NEGR1: variants seen among roughly 807,000 people sequenced by gnomAD.
The protein encoded by NEGR1 is IgLON family member 4.
NEGR1 carries 10 observed loss-of-function variants against 40.9 expected under a neutral mutation model. That is an observed-to-expected ratio of 0.24 (90% CI 0.15 to 0.42). The LOEUF (loss-of-function observed/expected upper bound fraction) is 0.42, where lower values mean the gene tolerates loss of function less well. Among genes scored for constraint, NEGR1 ranks in the 10% least tolerant of loss-of-function variants. NEGR1 has a pLI of 1.00. For missense variants in NEGR1, 352 were observed against 438.9 expected (o/e 0.80, Z 1.77); for synonymous variants, 185 against 166.8 (o/e 1.11, Z -0.84).
At chr1:71,697,506 T>C (rs1043012497) in intron 4 of NEGR1, among the ~76,000 whole-genome samples, 8 of 151,916 alleles carry the variant, frequency 5.3e-5, no homozygotes, top group African/African-American at 1.4e-4. Context: ...TTAACAACAA[T>C]GCTTATGGAA....
intron 1 of NEGR1, among the ~76,000 whole-genome samples, chr1:72,144,180 T>C (rs1194607940): frequency 1.3e-5 from 2 of 151,374 alleles, no homozygotes; most frequent in African/African-American, 4.8e-5. Context: ...ACAAGATCTT[T>C]ATGTTCATTC....
intron 2 of NEGR1, among the ~76,000 whole-genome samples, chr1:71,790,169 G>C (rs1657063124): frequency 6.6e-6 from 1 of 152,102 alleles, no homozygotes; most frequent in Non-Finnish European, 1.5e-5. Flanking sequence ...CAATAAAATA[G>C]AGTTGTGTGG....
intron 1 of NEGR1, among the ~76,000 whole-genome samples, chr1:72,031,993 T>C (rs1456717545): frequency 6.6e-6 from 1 of 152,184 alleles, no homozygotes; most frequent in Non-Finnish European, 1.5e-5. Context: ...CCAGATTTAA[T>C]GACAAAAACA....
intron 1 of NEGR1, among the ~76,000 whole-genome samples, chr1:72,172,976 T>C (rs1652018990): frequency 6.6e-6 from 1 of 152,046 alleles, no homozygotes; most frequent in Non-Finnish European, 1.5e-5. Flanking sequence ...TCACGGACCA[T>C]CCCAAGGTCA....
At chr1:72,062,220 T>C (rs1212173770) in intron 1 of NEGR1, among the ~76,000 whole-genome samples, 1 of 151,844 alleles carries the variant, frequency 6.6e-6, no homozygotes, top group Non-Finnish European at 1.5e-5. Flanking sequence ...TCTCCTCCCC[T>C]TTGGAAGTTT....
chr1:71,519,917 G>A (rs1647143330), intron 6 of NEGR1, among the ~76,000 whole-genome samples: 3 of 151,512 alleles, frequency 2.0e-5, no homozygotes, highest in Admixed American at 1.3e-4. Flanking sequence ...GTGTACCTGG[G>A]GTTTTTAAAA....
chr1:71,629,987 T>C (rs904136296), intron 4 of NEGR1, among the ~76,000 whole-genome samples: 2 of 151,956 alleles, frequency 1.3e-5, no homozygotes, highest in African/African-American at 2.4e-5. Context: ...GAATAAATTG[T>C]AATGAAAAGA....
intron 6 of NEGR1, among the ~76,000 whole-genome samples, chr1:71,507,599 T>A (rs557809803): frequency 1.4e-4 from 21 of 152,226 alleles, no homozygotes; most frequent in African/African-American, 4.6e-4. Context: ...TTCAAGTAAA[T>A]TTCACAGAAA....
intron 6 of NEGR1, among the ~76,000 whole-genome samples, chr1:71,448,191 G>A (rs1465555826): frequency 6.6e-6 from 1 of 151,638 alleles, no homozygotes; most frequent in Non-Finnish European, 1.5e-5. Flanking sequence ...GAGGCTGAAC[G>A]GAGCTTAGAA....
chr1:71,435,040 G>T (rs549840665), intron 6 of NEGR1, among the ~76,000 whole-genome samples: 1 of 151,714 alleles, frequency 6.6e-6, no homozygotes, highest in African/African-American at 2.4e-5. Context: ...GCAGTGAGCC[G>T]AGATTGCGCC....
At chr1:71,928,791 G>T (rs757099125) in intron 2 of NEGR1, among the ~76,000 whole-genome samples, 7 of 151,908 alleles carry the variant, frequency 4.6e-5, no homozygotes, top group Non-Finnish European at 8.8e-5. Context: ...AATTTGTAGG[G>T]ACTAATACAG....
intron 4 of NEGR1, among the ~76,000 whole-genome samples, chr1:71,670,209 A>G (rs890381207): frequency 6.6e-6 from 1 of 152,112 alleles, no homozygotes; most frequent in Non-Finnish European, 1.5e-5. Flanking sequence ...GAATAATCTT[A>G]TAGGGAATAT....
At chr1:71,581,396 C>A (rs896475288) in intron 6 of NEGR1, among the ~76,000 whole-genome samples, 7 of 152,172 alleles carry the variant, frequency 4.6e-5, no homozygotes, top group Non-Finnish European at 8.8e-5. Flanking sequence ...GGGAAATTTT[C>A]TTGCAGTATT....
In NEGR1 at chr1:71,776,212, T is replaced by C. The variant is rs563718150; in HGVS notation, c.495A>G (p.Lys165=). ...NVTLTCLATG[K]PEPSISWRHI... ...GTCGCCAAGAAATGGAAGGCTCTGG[T>C]TTCCCAGTGGCCAAACAAGTAAGAG... The change falls in exon 3 of 7, where the codon AAA becomes AAG. Residue 165 remains lysine (K), a synonymous_variant. Coordinates refer to ENST00000357731, the MANE Select transcript of NEGR1 (RefSeq NM_173808.3). 3.9e-5 allele frequency: 62 copies of C among 1,609,230 alleles called. No individual in the cohort carries two copies. In the South Asian group the frequency reaches 6.9e-4, roughly 18 times the overall value.
At chr1:72,171,861 T>C (rs1651975927) in intron 1 of NEGR1, among the ~76,000 whole-genome samples, 1 of 152,202 alleles carries the variant, frequency 6.6e-6, no homozygotes, top group South Asian at 2.1e-4. Flanking sequence ...AATCTTAAAC[T>C]ATTCCTTCAA....
intron 1 of NEGR1, among the ~76,000 whole-genome samples, chr1:71,987,486 A>G (rs545122797): frequency 6.6e-6 from 1 of 152,266 alleles, no homozygotes; most frequent in South Asian, 2.1e-4. Flanking sequence ...CAAATAGTAC[A>G]CTGCTGAGCA....
At chr1:71,688,716 C>G (rs1202167793) in intron 4 of NEGR1, among the ~76,000 whole-genome samples, 1 of 151,984 alleles carries the variant, frequency 6.6e-6, no homozygotes, top group Non-Finnish European at 1.5e-5. Context: ...CTTGGCCTCC[C>G]AAGAGTTTCC....
chr1:71,604,729 G>A (rs999053131), intron 5 of NEGR1, among the ~76,000 whole-genome samples: 3 of 152,174 alleles, frequency 2.0e-5, no homozygotes, highest in South Asian at 2.1e-4. Context: ...GCATTCATTC[G>A]TATCTGCACA....
intron 1 of NEGR1, among the ~76,000 whole-genome samples, chr1:72,233,636 A>G (rs948303754): frequency 1.3e-5 from 2 of 152,140 alleles, no homozygotes; most frequent in Non-Finnish European, 2.9e-5. Flanking sequence ...CATTCTTTTC[A>G]TGGCTACATA....
Sources: allele counts gnomAD v4.1 joint callset (sites outside exome capture counted in the v4.1 genomes callset), GRCh38; gene constraint gnomAD v4.1.1; transcripts MANE v1.5; gene names NCBI Gene and HGNC (gene_info 2026-07-23, HGNC 2026-07-21).